Variants in SPC24 observed in about 807,000 individuals in gnomAD.
SPC24 encodes SPC24 component of NDC80 kinetochore complex, also known as kinetochore protein Spc24.
Under a neutral mutation model 27.6 loss-of-function variants are expected in SPC24, and 31 were observed. That is an observed-to-expected ratio of 1.12 (90% CI 0.84 to 1.52). The LOEUF (loss-of-function observed/expected upper bound fraction) is 1.52. Ranked by LOEUF, SPC24 falls within the 40% of genes most tolerant of loss-of-function variation. SPC24 has a pLI of 0.00. For synonymous variants in SPC24, 105 were observed against 105.8 expected, an observed-to-expected ratio of 0.99 and a Z score of 0.05; for missense variants, 284 against 252.5, an observed-to-expected ratio of 1.12 and a Z score of -0.84.
At chr19:11,148,639 C>G (rs2077847836) in intron 2 of SPC24, among the ~76,000 whole-genome samples, 1 of 151,860 alleles carries the variant, frequency 6.6e-6, no homozygotes, top group South Asian at 2.1e-4. Flanking sequence ...TACCACCATG[C>G]CCAGCTTATT....
intron 1 of SPC24, among the ~76,000 whole-genome samples, chr19:11,152,079 C>A (rs1251736493): frequency 6.8e-6 from 1 of 147,436 alleles, no homozygotes; most frequent in African/African-American, 2.5e-5. Flanking sequence ...CACCACCATG[C>A]CTGGCTAATT....
At chr19:11,147,367 C>T in intron 4 of SPC24, 78 bp from the exon 5 acceptor site, 4 of 798,152 alleles carry the variant, frequency 5.0e-6, no homozygotes, top group Non-Finnish European at 7.3e-6. Flanking sequence ...ACTGCCTTTA[C>T]TTTTTTTTTT....
chr19:11,147,715 C>A, intron 4 of SPC24, 103 bp downstream of exon 4: 1 of 1,042,984 alleles, frequency 9.6e-7, no homozygotes, highest in Non-Finnish European at 1.4e-6. Flanking sequence ...ACAACAGATG[C>A]ACGCCACCAC....
intron 1 of SPC24, among the ~76,000 whole-genome samples, chr19:11,155,155 T>C (rs565875056): frequency 1.3e-5 from 2 of 152,224 alleles, no homozygotes; most frequent in East Asian, 3.9e-4. Flanking sequence ...CAGCAGCAGA[T>C]GCTCCATAAA....
chr19:11,155,070 C>A (rs2077900842), intron 1 of SPC24, among the ~76,000 whole-genome samples: 1 of 152,090 alleles, frequency 6.6e-6, no homozygotes, highest in South Asian at 2.1e-4. Flanking sequence ...CCTGTAATCC[C>A]AGCTACTCAG....
At position 11,146,036 on chromosome 19, in the gene SPC24, G is replaced by A. The variant is rs1430346770; in HGVS notation, c.*1147C>T. The stretch of plus-strand genomic sequence containing the variant: ...TCTACAGTGCTGGGATTGCAGGCAT[G>A]AGCCACCACACCTGGCCTCCTTATC... On this transcript the variant is annotated 3_prime_UTR_variant, in exon 5 of 5. Transcript: ENST00000592540. 6.6e-6 allele frequency: 1 copy of A among 152,164 alleles called. No homozygotes were observed. Among genetic ancestry groups the A allele is most frequent in the Non-Finnish European group, 1.5e-5 (1 of 68,094 alleles). The allele number at this position is 152,164 out of a possible 1,614,324, so 9.4% of individuals were successfully genotyped here.
rs1037808352 is a variant in SPC24 at position 11,147,286 on chromosome 19, T to C, written c.491A>G (p.His164Arg). 2.6e-6 allele frequency: 4 copies of C among 1,563,452 alleles called. No individual in the cohort carries two copies. The highest frequency in any genetic ancestry group is 3.5e-6 in the Non-Finnish European group (4 of 1,153,242). ...ECEPGMVKGI[H>R]HGPSVAQPIH... ...GGGCTGGGCCACACTGGGGCCATGA[T>C]GGACTGAGGCACAGATGTAAGGAAA... Residue 164 changes from histidine to arginine, a missense_variant, in exon 5 of 5, where the codon CAT (histidine) becomes CGT (arginine). By Grantham distance (29) the His-to-Arg change is conservative (BLOSUM62 0). Transcript: ENST00000592540.
chr19:11,155,536 G>A, intron 1 of SPC24, 81 bp downstream of exon 1: 1 of 1,455,030 alleles, frequency 6.9e-7, no homozygotes, highest in South Asian at 1.3e-5. Context: ...GAGAGAAGGG[G>A]TTTTGAGGTG....
chr19:11,147,646 C>A, intron 4 of SPC24, 172 bp downstream of exon 4: 1 of 631,836 alleles, frequency 1.6e-6, no homozygotes, highest in South Asian at 1.9e-5. Context: ...GATACCCAGG[C>A]TGGTCTCAAA....
intron 1 of SPC24, among the ~76,000 whole-genome samples, chr19:11,154,421 C>T (rs1026177819): frequency 3.9e-5 from 6 of 152,072 alleles, no homozygotes; most frequent in Non-Finnish European, 7.4e-5. Flanking sequence ...TAAGTGTGTT[C>T]TCAGCTACTT....
rs760778987 is a variant in SPC24 at position 11,149,083 on chromosome 19, G to A, written c.305+11C>T. 3.3e-6 allele frequency: 5 copies of A among 1,496,644 alleles called. No homozygotes were observed. In the South Asian group the frequency reaches 5.2e-5, roughly 16 times the overall value. The allele number at this position is 1,496,644 out of a possible 1,614,324, so 92.7% of individuals were successfully genotyped here. A position where few individuals can be genotyped will look rare whatever the true frequency, so the allele number is the denominator to read the frequency against. Reference sequence around the variant, plus strand: ...TTCTAGCAAGGCTGATCCCCTAGCAGAAAAGGATATAGGAGGCTGGCCTTC... The same window carrying A: ...TTCTAGCAAGGCTGATCCCCTAGCAAAAAAGGATATAGGAGGCTGGCCTTC... On this transcript the variant is annotated intron_variant, in intron 2 of 4. Transcript: ENST00000592540.
intron 2 of SPC24, 125 bp from the exon 3 acceptor site, chr19:11,148,242 T>A: frequency 3.0e-6 from 2 of 660,752 alleles, no homozygotes; most frequent in Non-Finnish European, 5.2e-6. Flanking sequence ...GAGTTTTGCT[T>A]TGTCACCCAG....
intron 1 of SPC24, among the ~76,000 whole-genome samples, chr19:11,150,168 C>G (rs2077859589): frequency 9.0e-6 from 1 of 111,646 alleles, no homozygotes; most frequent in South Asian, 3.0e-4. Flanking sequence ...GCCTAGGGGG[C>G]TGAGGAAACT....
chr19:11,155,743 G>T lies in SPC24; in HGVS notation c.34C>A (p.Gln12Lys). ...GCGCCCAGCAGGCTGAGCAGCCCCT[G>T]GCTCACCTCCTCTATGTCGCGGAAG... ...AAFRDIEEVS[Q>K]GLLSLLGANR... The change falls in exon 1 of 5, where the codon CAG becomes AAG. Residue 12 changes from glutamine to lysine, a missense_variant. By Grantham distance (53) the Gln-to-Lys change is moderately conservative. Coordinates refer to ENST00000592540, the MANE Select transcript of SPC24 (RefSeq NM_182513.4). 2 of 1,578,328 alleles carry T rather than the reference G, an allele frequency of 1.3e-6. No individual in the cohort carries two copies. Among genetic ancestry groups the T allele is most frequent in the South Asian group, 1.1e-5 (1 of 88,298 alleles).
In SPC24 at chr19:11,155,777, G is replaced by T; in HGVS notation, c.-1C>A. The T allele has an allele frequency of 6.5e-7, 1 of 1,531,890 alleles. No individual in the cohort carries two copies. The highest frequency in any genetic ancestry group is 8.7e-7 in the Non-Finnish European group (1 of 1,145,150). The allele number at this position is 1,531,890 out of a possible 1,614,324, so 94.9% of individuals were successfully genotyped here. On this transcript the variant is annotated 5_prime_UTR_variant, in exon 1 of 5. Coordinates refer to ENST00000592540, the MANE Select transcript of SPC24 (RefSeq NM_182513.4). ...CCTCTATGTCGCGGAAGGCGGCCAT[G>T]ACTACGCCAGGCTCCAACCCGCGCA...
chr19:11,150,003 C>T (rs970089438), intron 1 of SPC24, among the ~76,000 whole-genome samples: 9 of 151,632 alleles, frequency 5.9e-5, no homozygotes, highest in Non-Finnish European at 1.3e-4. Flanking sequence ...AGCCACTGCG[C>T]ACGGCAACCC....
Position 11,148,010 on chromosome 19 carries a change from T to G in SPC24, c.410+3A>C. 6.2e-7 allele frequency: 1 copy of G among 1,611,980 alleles called. No homozygotes were observed. The highest frequency in any genetic ancestry group is 8.5e-7 in the Non-Finnish European group (1 of 1,179,072). ...GGCAGGCACACGTTTTGGCAGAACCTACACGGCCGAGGGGATTGTGACTGT... is the reference window on the plus strand; with the variant it reads ...GGCAGGCACACGTTTTGGCAGAACCGACACGGCCGAGGGGATTGTGACTGT... On this transcript the variant is annotated splice_donor_region_variant and intron_variant, in intron 3 of 4. Coordinates refer to ENST00000592540, the MANE Select transcript of SPC24 (RefSeq NM_182513.4).
At chr19:11,152,520 CT>C (rs2077880452) in intron 1 of SPC24, among the ~76,000 whole-genome samples, 1 of 152,042 alleles carries the variant, frequency 6.6e-6, no homozygotes, top group Non-Finnish European at 1.5e-5. Context: ...TGAGGGTGTA[CT>C]TTAACTCCTC....
At position 11,146,958 on chromosome 19, in the gene SPC24, T is replaced by G. The variant is rs1172158820; in HGVS notation, c.*225A>C. The stretch of plus-strand genomic sequence containing the variant: ...AGCTGGGTGTGGTGGCGCATGCCTG[T>G]AATCCCAGCTACTTTGGAGGCTGAG... On this transcript the variant is annotated 3_prime_UTR_variant, in exon 5 of 5. Coordinates refer to ENST00000592540, the MANE Select transcript of SPC24 (RefSeq NM_182513.4). 1 of 293,202 alleles carries G rather than the reference T, an allele frequency of 3.4e-6. No homozygotes were observed. The highest frequency in any genetic ancestry group is 6.5e-6 in the Non-Finnish European group (1 of 154,330). The allele number at this position is 293,202 out of a possible 1,614,324, so 18.2% of individuals were successfully genotyped here. A position where few individuals can be genotyped will look rare whatever the true frequency, so the allele number is the denominator to read the frequency against.
Sources: gnomAD v4.1 joint callset for allele counts (sites outside exome capture counted in the v4.1 genomes callset) on GRCh38, gnomAD v4.1.1 for gene constraint, MANE v1.5 for transcripts, NCBI Gene and HGNC (gene_info 2026-07-23, HGNC 2026-07-21) for gene names.